CNTN2: variants seen among roughly 807,000 people sequenced by gnomAD.
CNTN2 encodes the protein contactin-2.
Under a neutral mutation model 117.5 loss-of-function variants are expected in CNTN2, and 53 were observed. The observed-to-expected ratio is 0.45, with a 90% CI of 0.36 to 0.57. The LOEUF (loss-of-function observed/expected upper bound fraction) is 0.57. Ranked by LOEUF, CNTN2 falls within the 20% of genes least tolerant of loss-of-function variation. The probability of loss-of-function intolerance (pLI) is 0.00; values close to 1 mark genes in which losing one functional copy is unlikely to be tolerated. For synonymous variants in CNTN2, 530 were observed against 561.7 expected (o/e 0.94, Z 0.80); for missense variants, 1,106 against 1,404.3 (o/e 0.79, Z 3.39).
In CNTN2 at chr1:205,072,499, T is replaced by C. The variant is rs1432537094; in HGVS notation, c.2748T>C (p.Pro916=). The C allele has an allele frequency of 6.2e-7, 1 of 1,614,178 alleles. No individual in the cohort carries two copies. The highest frequency in any genetic ancestry group is 1.1e-5 in the South Asian group (1 of 91,086). ...CTCTGGCAGCTCCGCGGCGACCTCCTGGCAACATCTCCTGGACTTTCTCAA... is the reference window on the plus strand; with the variant it reads ...CTCTGGCAGCTCCGCGGCGACCTCCCGGCAACATCTCCTGGACTTTCTCAA... The part of the protein sequence containing the change: ...TTMKPPPRRP[P]GNISWTFSSS... The change falls in exon 21 of 23, where the codon CCT becomes CCC. Residue 916 remains proline, a synonymous_variant. Coordinates refer to ENST00000331830, the MANE Select transcript of CNTN2 (RefSeq NM_005076.5).
intron 1 of CNTN2, among the ~76,000 whole-genome samples, chr1:205,045,174 G>C (rs1213220377): frequency 2.6e-5 from 4 of 152,098 alleles, no homozygotes; most frequent in African/African-American, 4.8e-5. Context: ...CAGACTCCAG[G>C]AGTCTGCTCT....
intron 1 of CNTN2, among the ~76,000 whole-genome samples, chr1:205,046,799 C>T (rs2096442235): frequency 6.6e-6 from 1 of 152,160 alleles, no homozygotes; most frequent in Admixed American, 6.5e-5. Flanking sequence ...TCACTCACTG[C>T]CTCACACCAC....
chr1:205,059,514 A>G lies in CNTN2; in HGVS notation c.698-69A>G. ...ACAGAGTTGGCTCTGAAAGGTGCTG[A>G]GATCCCATGCACGGGAGCACCTGAC... On this transcript the variant is annotated intron_variant, in intron 6 of 22. Transcript: ENST00000331830. The surrounding 1 kb of genome is among the most constrained non-coding windows in gnomAD (Gnocchi z 5.6). The G allele has an allele frequency of 6.9e-7, 1 of 1,441,572 alleles. No individual in the cohort carries two copies. The highest frequency in any genetic ancestry group is 1.7e-4 in the Middle Eastern group (1 of 5,746). 89.3% of individuals were successfully genotyped at this position (1,441,572 alleles called of 1,614,324 possible).
chr1:205,069,478 T>G lies in CNTN2; in HGVS notation c.2126-13T>G. Reference sequence around the variant, plus strand: ...ATTAACAAGCCATATCGGTGTCCCTTGGCCCTTGACAGCCCCCTCGGTGGC... The same window carrying G: ...ATTAACAAGCCATATCGGTGTCCCTGGGCCCTTGACAGCCCCCTCGGTGGC... On this transcript the variant is annotated splice_polypyrimidine_tract_variant and intron_variant, in intron 16 of 22. Transcript: ENST00000331830. The G allele has an allele frequency of 6.2e-7, 1 of 1,613,934 alleles. No homozygotes were observed. Among genetic ancestry groups the G allele is most frequent in the East Asian group, 2.2e-5 (1 of 44,876 alleles).
intron 12 of CNTN2, 108 bp downstream of exon 12, chr1:205,064,858 A>ACC: frequency 6.7e-7 from 1 of 1,496,218 alleles, no homozygotes; most frequent in South Asian, 1.3e-5. Flanking sequence ...TGTCAAGGCC[A>ACC]CCCCAGGATT....
At chr1:205,046,031 C>T (rs1158446305) in intron 1 of CNTN2, among the ~76,000 whole-genome samples, 6 of 152,140 alleles carry the variant, frequency 3.9e-5, no homozygotes, top group Admixed American at 2.0e-4. Context: ...CTGGCCACCC[C>T]CTCATCCTTC....
At position 205,061,865 on chromosome 1, in the gene CNTN2, C is replaced by T; in HGVS notation, c.974C>T (p.Ala325Val). 6.5e-7 allele frequency: 1 copy of T among 1,530,598 alleles called. No homozygotes were observed. Among genetic ancestry groups the T allele is most frequent in the Non-Finnish European group, 8.8e-7 (1 of 1,137,568 alleles). 94.8% of individuals were successfully genotyped at this position (1,530,598 alleles called of 1,614,324 possible). Residue 325 changes from alanine (A) to valine (V), a missense_variant and splice_region_variant, in exon 9 of 23, where the codon GCT becomes GTT. Physicochemically the swap from Ala to Val is moderately conservative, Grantham distance 64 (BLOSUM62 0). Coordinates refer to ENST00000331830, the MANE Select transcript of CNTN2 (RefSeq NM_005076.5). The surrounding 1 kb of genome is among the most constrained non-coding windows in gnomAD (Gnocchi z 4.8). ...DTVQGRIIVQ[A>V]QPEWLKVISD... ...GGTTTTCTTTTCCGGGCTCCCACAG[C>T]TCAGCCTGAGTGGCTAAAAGTGATC...
intron 1 of CNTN2, among the ~76,000 whole-genome samples, chr1:205,052,207 A>T (rs1183112583): frequency 1.3e-5 from 2 of 152,190 alleles, no homozygotes; most frequent in East Asian, 3.9e-4. Context: ...GATAACCAAT[A>T]ACTGGAAAGC....
intron 19 of CNTN2, 187 bp downstream of exon 19, chr1:205,070,725 G>A (rs546659583): frequency 5.5e-5 from 27 of 494,328 alleles, no homozygotes; most frequent in African/African-American, 2.0e-4. Context: ...GGCCAGGCGC[G>A]GTGGCTCATG....
chr1:205,052,375 A>G (rs1401466428), intron 1 of CNTN2, among the ~76,000 whole-genome samples: 1 of 152,240 alleles, frequency 6.6e-6, no homozygotes, highest in Non-Finnish European at 1.5e-5. Flanking sequence ...CTCAGCAGCT[A>G]CAGGGAACAG....
At chr1:205,054,989 TTTGTTGTTG>T (rs559027768) in intron 2 of CNTN2, among the ~76,000 whole-genome samples, 2 of 151,746 alleles carry the variant, frequency 1.3e-5, no homozygotes, top group Non-Finnish European at 2.9e-5. Context: ...GAGAGTGTGT[TTTGTTGTTG>T]TTGTTGTTGT....
At position 205,076,172 on chromosome 1, in the gene CNTN2, A is replaced by G. The variant is rs1654855073; in HGVS notation, c.*2407A>G. 1 of 152,180 alleles carries G rather than the reference A, an allele frequency of 6.6e-6. No homozygotes were observed. Among genetic ancestry groups the G allele is most frequent in the Non-Finnish European group, 1.5e-5 (1 of 68,020 alleles). The allele number at this position is 152,180 out of a possible 1,614,324, so 9.4% of individuals were successfully genotyped here. A position where few individuals can be genotyped will look rare whatever the true frequency, so the allele number is the denominator to read the frequency against. Reference sequence around the variant, plus strand: ...GGAGACCCACGAAGGGTTTTTAGCCAGGGAAAACTGAGCCCCAGGAAAACC... The same window carrying G: ...GGAGACCCACGAAGGGTTTTTAGCCGGGGAAAACTGAGCCCCAGGAAAACC... On this transcript the variant is annotated 3_prime_UTR_variant, in exon 23 of 23. Transcript: ENST00000331830.
chr1:205,065,360 A>G lies in CNTN2; in HGVS notation c.1695+98A>G, dbSNP rs4460698. ...CCATCCTCACCTTTAAGAAACCCAT[A>G]GCCTAAGCGCCCCCATTCCCTCAGG... On this transcript the variant is annotated intron_variant, in intron 13 of 22. Transcript: ENST00000331830. This position sits in a 1 kb window ranked among gnomAD's most constrained non-coding sequence, Gnocchi z 4.1. 447,613 of 1,309,428 alleles carry G rather than the reference A, an allele frequency of 0.34. 87,595 individuals carry two copies. The highest frequency in any genetic ancestry group is 0.85 in the East Asian group (36,864 of 43,238). 81.1% of individuals were successfully genotyped at this position (1,309,428 alleles called of 1,614,324 possible). A position where few individuals can be genotyped will look rare whatever the true frequency, so the allele number is the denominator to read the frequency against.
chr1:205,044,791 A>T (rs1370761280), intron 1 of CNTN2, among the ~76,000 whole-genome samples: 3 of 152,096 alleles, frequency 2.0e-5, no homozygotes, highest in Non-Finnish European at 4.4e-5. Flanking sequence ...CTGTGATCGC[A>T]CCTGGACAGG....
chr1:205,057,028 A>G (rs577504513), intron 2 of CNTN2, among the ~76,000 whole-genome samples: 37 of 152,306 alleles, frequency 2.4e-4, no homozygotes, highest in Admixed American at 1.3e-4. Flanking sequence ...CCACCAAAGC[A>G]AACTGCCCAC....
chr1:205,047,088 G>A (rs931034405), intron 1 of CNTN2, among the ~76,000 whole-genome samples: 12 of 152,184 alleles, frequency 7.9e-5, no homozygotes, highest in East Asian at 3.8e-4. Flanking sequence ...GCTGGGCCTC[G>A]GGGAAGCAGC....
rs548342803 is a variant in CNTN2, at chr1:205,070,197, T to C, written c.2431+136T>C. The C allele has an allele frequency of 1.1e-4, 97 of 855,856 alleles. No homozygotes were observed. In the South Asian group the frequency reaches 1.3e-3, roughly 12 times the overall value. 53.0% of individuals were successfully genotyped at this position (855,856 alleles called of 1,614,324 possible). ...GAGAGGACACCTGGGTTCCACATCA[T>C]TGGCCTCACTTCCAGCTCTTGCTAC... On this transcript the variant is annotated intron_variant, in intron 18 of 22. Transcript: ENST00000331830.
chr1:205,053,580 G>A (rs189354762), intron 2 of CNTN2, among the ~76,000 whole-genome samples: 7 of 152,310 alleles, frequency 4.6e-5, no homozygotes, highest in Admixed American at 2.0e-4. Context: ...CTCAAAGGCT[G>A]CACTGTCCAA....
At chr1:205,072,428 G>C in intron 20 of CNTN2, 55 bp from the exon 21 acceptor site, 1 of 1,459,584 alleles carries the variant, frequency 6.9e-7, no homozygotes, top group South Asian at 1.1e-5. Context: ...AGGTGAGGGG[G>C]TGCGGGGTGC....
Sources: gnomAD v4.1 joint callset for allele counts (sites outside exome capture counted in the v4.1 genomes callset) on GRCh38, gnomAD v4.1.1 for gene constraint, Gnocchi (gnomAD v3.1) non-coding constraint, MANE v1.5 for transcripts, NCBI Gene and HGNC (gene_info 2026-07-23, HGNC 2026-07-21) for gene names.